The following PKHD1L1 variants were observed in gnomAD, a reference collection of about 807,000 sequenced individuals.
PKHD1L1 encodes the protein PKHD1 like 1.
A neutral mutation model predicts 462.9 loss-of-function variants in PKHD1L1; 434 were observed. The observed-to-expected ratio is 0.94, with a 90% CI of 0.87 to 1.02. The LOEUF is 1.02. Among genes scored for constraint, PKHD1L1 ranks in the 50% least tolerant of loss-of-function variants. PKHD1L1 has a pLI of 0.00. For missense variants in PKHD1L1, 5,202 were observed against 5,096.1 expected (o/e 1.02, Z -0.63); for synonymous variants, 1,781 against 1,750.0 (o/e 1.02, Z -0.44).
chr8:109,482,443 G>C (rs988512788), intron 56 of PKHD1L1, among the ~76,000 whole-genome samples: 3 of 151,734 alleles, frequency 2.0e-5, no homozygotes, highest in Non-Finnish European at 3.0e-5. Context: ...ACTAGAATTA[G>C]TTAAAAATTT....
chr8:109,525,468 T>C (rs1425891966), intron 76 of PKHD1L1, among the ~76,000 whole-genome samples: 1 of 152,168 alleles, frequency 6.6e-6, no homozygotes, highest in Non-Finnish European at 1.5e-5. Flanking sequence ...GTGTCAGAAA[T>C]TTGGGCCAGG....
intron 22 of PKHD1L1, among the ~76,000 whole-genome samples, chr8:109,420,110 G>A (rs1814388201): frequency 6.6e-6 from 1 of 152,166 alleles, no homozygotes; most frequent in Non-Finnish European, 1.5e-5. Context: ...AAAGAGCAAT[G>A]AAGATGACAA....
chr8:109,400,122 A>T lies in PKHD1L1; in HGVS notation c.1059A>T (p.Ile353=). The change falls in exon 13 of 78, where the codon ATA becomes ATT. Residue 353 remains isoleucine (I), a synonymous_variant. Coordinates refer to ENST00000378402, the MANE Select transcript of PKHD1L1 (RefSeq NM_177531.6). ...KLEVWNNSRP[I]RLEEILEYNE... ...AGGTGTGGAATAATAGCCGTCCAAT[A>T]CGTTTGGAAGAGATACTGGAATACA... 2.5e-6 allele frequency: 4 copies of T among 1,613,496 alleles called. No homozygotes were observed. Among genetic ancestry groups the T allele is most frequent in the Non-Finnish European group, 3.4e-6 (4 of 1,179,538 alleles).
Position 109,464,734 on chromosome 8 carries a change from A to G in PKHD1L1, c.7902A>G (p.Gln2634=), listed in dbSNP as rs1184676403. 7 of 1,613,736 alleles carry G rather than the reference A, an allele frequency of 4.3e-6. No homozygotes were observed. The highest frequency in any genetic ancestry group is 5.1e-6 in the Non-Finnish European group (6 of 1,179,816). Residue 2634 remains glutamine, a synonymous_variant, in exon 49 of 78, where the codon CAA becomes CAG. Coordinates refer to ENST00000378402, the MANE Select transcript of PKHD1L1 (RefSeq NM_177531.6). The part of the protein sequence containing the change: ...MWIFEEYFPM[Q]TGSCTSTVPA... ...TCTTTGAGGAATATTTCCCCATGCA[A>G]ACGGGATCTTGTACATCTACAGTGC... is the stretch of plus-strand genomic sequence containing the variant.
In PKHD1L1 at chr8:109,486,639, A is replaced by G. The variant is rs777237338; in HGVS notation, c.9707-9A>G. ...CATTGGCAATAATCTAGCTGCCTTTATACTGCAGCTGAAAAATACCATGTC... is the reference window on the plus strand; with the variant it reads ...CATTGGCAATAATCTAGCTGCCTTTGTACTGCAGCTGAAAAATACCATGTC... On this transcript the variant is annotated splice_polypyrimidine_tract_variant and intron_variant, in intron 58 of 77. Coordinates refer to ENST00000378402, the MANE Select transcript of PKHD1L1 (RefSeq NM_177531.6). The G allele has an allele frequency of 1.2e-6, 2 of 1,609,942 alleles. No individual in the cohort carries two copies. The highest frequency in any genetic ancestry group is 1.7e-6 in the Non-Finnish European group (2 of 1,177,520).
At chr8:109,506,407 A>T (rs1212643294) in intron 68 of PKHD1L1, among the ~76,000 whole-genome samples, 1 of 152,006 alleles carries the variant, frequency 6.6e-6, no homozygotes, top group Non-Finnish European at 1.5e-5. Context: ...GGTGGCAAAA[A>T]CTCTGCTGTG....
intron 10 of PKHD1L1, among the ~76,000 whole-genome samples, chr8:109,395,513 A>G (rs1335591823): frequency 6.6e-6 from 1 of 152,230 alleles, no homozygotes; most frequent in Non-Finnish European, 1.5e-5. Context: ...TAGATATTTG[A>G]TAGAGTTAAT....
chr8:109,513,505 A>C (rs1325312336), intron 71 of PKHD1L1, among the ~76,000 whole-genome samples: 1 of 152,140 alleles, frequency 6.6e-6, no homozygotes, highest in African/African-American at 2.4e-5. Context: ...AGGATCATTA[A>C]ATTTATATTT....
chr8:109,366,074 G>C (rs1811216962), intron 2 of PKHD1L1, among the ~76,000 whole-genome samples: 1 of 152,172 alleles, frequency 6.6e-6, no homozygotes, highest in Admixed American at 6.5e-5. Context: ...TAAGCACATA[G>C]ACCCAGATCA....
chr8:109,409,005 T>C, intron 18 of PKHD1L1, among the ~76,000 whole-genome samples: 1 of 152,174 alleles, frequency 6.6e-6, no homozygotes, highest in Admixed American at 6.5e-5. Context: ...AAAGAAAGAA[T>C]GCTTGTGAGT....
intron 30 of PKHD1L1, among the ~76,000 whole-genome samples, chr8:109,437,699 A>T (rs1264291629): frequency 6.6e-6 from 1 of 152,110 alleles, no homozygotes; most frequent in African/African-American, 2.4e-5. Context: ...TTTTTGGACC[A>T]AATGATGGAG....
rs757015646 is a variant in PKHD1L1, at chr8:109,429,439, C to A, written c.3100C>A (p.Arg1034Ser). The change falls in exon 26 of 78, where the codon CGT becomes AGT. Residue 1034 changes from arginine (R) to serine (S), a missense_variant. By Grantham distance (110) the Arg-to-Ser change is moderately radical (BLOSUM62 -1). Coordinates refer to ENST00000378402, the MANE Select transcript of PKHD1L1 (RefSeq NM_177531.6). ...ACAACATGTACTTGGAGACCTACTTCGTACACCCAGTCAACAGCCACAGGT... is the reference window on the plus strand; with the variant it reads ...ACAACATGTACTTGGAGACCTACTTAGTACACCCAGTCAACAGCCACAGGT... ...FRQHVLGDLL[R>S]TPSQQPQVEV... 1 of 1,608,182 alleles carries A rather than the reference C, an allele frequency of 6.2e-7. No homozygotes were observed. Among genetic ancestry groups the A allele is most frequent in the Middle Eastern group, 1.7e-4 (1 of 6,054 alleles).
intron 1 of PKHD1L1, among the ~76,000 whole-genome samples, chr8:109,363,491 A>G (rs1303043181): frequency 6.6e-6 from 1 of 152,118 alleles, no homozygotes; most frequent in Admixed American, 6.5e-5. Flanking sequence ...TAGCCTTTTT[A>G]TATACATCCA....
intron 30 of PKHD1L1, among the ~76,000 whole-genome samples, chr8:109,437,802 A>G (rs928881574): frequency 2.0e-5 from 3 of 152,150 alleles, no homozygotes; most frequent in African/African-American, 7.2e-5. Context: ...TAAATACTAG[A>G]TGTGAAAAAA....
intron 55 of PKHD1L1, chr8:109,480,610 T>TA (rs1403420545): frequency 2.2e-6 from 1 of 455,470 alleles, no homozygotes; most frequent in Non-Finnish European, 4.4e-6. Flanking sequence ...ACATTCCTTG[T>TA]AAACCCCAGA....
intron 49 of PKHD1L1, among the ~76,000 whole-genome samples, chr8:109,465,948 C>G (rs1247327661): frequency 6.6e-6 from 1 of 152,086 alleles, no homozygotes; most frequent in African/African-American, 2.4e-5. Flanking sequence ...AAAAATCTGT[C>G]TAAATAAGAT....
rs1358986514 is a variant in PKHD1L1 at position 109,442,945 on chromosome 8, G to T, written c.4394-1G>T. 6.2e-7 allele frequency: 1 copy of T among 1,612,204 alleles called. No homozygotes were observed. Among genetic ancestry groups the T allele is most frequent in the South Asian group, 1.1e-5 (1 of 90,948 alleles). ...TTACGTACAATCTCATTTTATGGCA[G>T]GTTCATTTTCTTACCAATTTACTTC... On this transcript the variant is annotated splice_acceptor_variant, in intron 35 of 77. Coordinates refer to ENST00000378402, the MANE Select transcript of PKHD1L1 (RefSeq NM_177531.6). LOFTEE classifies it high-confidence loss of function.
At chr8:109,478,808 T>C (rs1327721889) in intron 53 of PKHD1L1, among the ~76,000 whole-genome samples, 2 of 152,110 alleles carry the variant, frequency 1.3e-5, no homozygotes, top group African/African-American at 2.4e-5. Context: ...CATGGTATAG[T>C]TTTTCTTTCT....
At position 109,534,592 on chromosome 8, in the gene PKHD1L1, T is replaced by C. The variant is rs996335367; in HGVS notation, c.*4502T>C. ...CAGTGGGCATTTTCAGCTTCCCCAT[T>C]ATGGTAGTAGCTGCAAGGAGTGTTC... On this transcript the variant is annotated 3_prime_UTR_variant, in exon 78 of 78. Coordinates refer to ENST00000378402, the MANE Select transcript of PKHD1L1 (RefSeq NM_177531.6). Among the ~76,000 whole-genome samples the C allele has an allele frequency of 1.3e-5, 2 of 152,164 alleles. No homozygotes were observed. The highest frequency in any genetic ancestry group is 4.8e-5 in the African/African-American group (2 of 41,434).
Sources: allele counts gnomAD v4.1 joint callset (sites outside exome capture counted in the v4.1 genomes callset), GRCh38; gene constraint gnomAD v4.1.1; transcripts MANE v1.5; gene names NCBI Gene and HGNC (gene_info 2026-07-23, HGNC 2026-07-21).